The following ZFAT variants were observed in gnomAD, a reference collection of about 807,000 sequenced individuals.
ZFAT encodes zinc finger protein ZFAT.
In ZFAT, 64 loss-of-function variants were observed where a neutral mutation model predicts 117.7. That is an observed-to-expected ratio of 0.54 (90% CI 0.44 to 0.67). The LOEUF is 0.67. Among genes scored for constraint, ZFAT ranks in the 30% least tolerant of loss-of-function variants. The pLI, the probability that ZFAT is intolerant of heterozygous loss-of-function variation, is 0.00. For synonymous variants in ZFAT, 679 were observed against 615.0 expected, an observed-to-expected ratio of 1.10 and a Z score of -1.54; for missense variants, 1,433 against 1,584.5, an observed-to-expected ratio of 0.90 and a Z score of 1.62.
At chr8:134,506,588 C>T (rs944063004) in intron 15 of ZFAT, among the ~76,000 whole-genome samples, 7 of 152,206 alleles carry the variant, frequency 4.6e-5, no homozygotes, top group Non-Finnish European at 1.0e-4. Context: ...CCTGCCATTA[C>T]TTTCATCCCA....
At chr8:134,489,753 C>T (rs973716527) in intron 15 of ZFAT, among the ~76,000 whole-genome samples, 1 of 152,186 alleles carries the variant, frequency 6.6e-6, no homozygotes, top group African/African-American at 2.4e-5. Context: ...CCAAACCCTT[C>T]CCCTGAAATT....
intron 3 of ZFAT, among the ~76,000 whole-genome samples, chr8:134,628,521 A>G (rs896109687): frequency 1.3e-5 from 2 of 152,222 alleles, no homozygotes; most frequent in Non-Finnish European, 2.9e-5. Flanking sequence ...GCTTAACGCT[A>G]GGGAGACAAG....
chr8:134,560,242 C>T (rs966358633), intron 11 of ZFAT, among the ~76,000 whole-genome samples: 2 of 152,188 alleles, frequency 1.3e-5, no homozygotes, highest in African/African-American at 4.8e-5. Context: ...CACTCTCTCT[C>T]TCTTTCCCTC....
At chr8:134,578,491 G>A (rs1308513892) in intron 10 of ZFAT, among the ~76,000 whole-genome samples, 1 of 151,534 alleles carries the variant, frequency 6.6e-6, no homozygotes, top group East Asian at 1.9e-4. Context: ...GAAGACATCA[G>A]AGAGATGGGG....
chr8:134,782,723 G>A, the ZFAT span, among the ~76,000 whole-genome samples: 3 of 151,882 alleles, frequency 2.0e-5, no homozygotes, highest in Non-Finnish European at 4.4e-5. Flanking sequence ...TGTGCCTTTT[G>A]CCTTCTGCCA....
At chr8:134,760,282 AAAAAAACAAAC>A in the ZFAT span, among the ~76,000 whole-genome samples, 45 of 120,814 alleles carry the variant, frequency 3.7e-4, 1 homozygote, top group Non-Finnish European at 1.8e-5. Context: ...AGAAAAAAAA[AAAAAAACAAAC>A]AAAAAACAAA....
rs60311922 is a variant in ZFAT at position 134,515,719 on chromosome 8, T to C, written c.3235-3118A>G. Among the ~76,000 whole-genome samples the C allele has an allele frequency of 9.2e-5, 14 of 152,356 alleles. No individual in the cohort carries two copies. The East Asian group carries it at 2.7e-3, about 29-fold the overall frequency. ...TTCTGGATATTAGCCCTTTGTCAGATGGATAGATTGCAAAAATTTTCTCCC... is the reference window on the plus strand; with the variant it reads ...TTCTGGATATTAGCCCTTTGTCAGACGGATAGATTGCAAAAATTTTCTCCC... On this transcript the variant is annotated intron_variant, in intron 13 of 15. Coordinates refer to ENST00000377838, the MANE Select transcript of ZFAT (RefSeq NM_020863.4).
intron 5 of ZFAT, among the ~76,000 whole-genome samples, chr8:134,604,095 G>A (rs1239268133): frequency 2.9e-4 from 44 of 152,202 alleles, no homozygotes; most frequent in Admixed American, 2.9e-3. Context: ...CATGAATTCT[G>A]TCTCTTTCAC....
chr8:134,779,328 C>T, the ZFAT span, among the ~76,000 whole-genome samples: 3 of 152,090 alleles, frequency 2.0e-5, no homozygotes, highest in Non-Finnish European at 4.4e-5. Flanking sequence ...CCCTATAAAA[C>T]TGGTTGGTGG....
chr8:134,603,968 C>A (rs1475212866), intron 5 of ZFAT, among the ~76,000 whole-genome samples: 1 of 152,158 alleles, frequency 6.6e-6, no homozygotes, highest in African/African-American at 2.4e-5. Context: ...TGTTTATTAA[C>A]TTTGTATTCC....
chr8:134,714,117 C>G (rs866810242), upstream of ZFAT, among the ~76,000 whole-genome samples: 4 of 140,268 alleles, frequency 2.9e-5, no homozygotes, highest in South Asian at 7.8e-4. Context: ...GCCCCCCCCC[C>G]CCCAAAAAAA....
chr8:134,631,314 G>A (rs1353459384), intron 3 of ZFAT, among the ~76,000 whole-genome samples: 1 of 152,134 alleles, frequency 6.6e-6, no homozygotes, highest in African/African-American at 2.4e-5. Context: ...TATAAGGTTA[G>A]ACAAAAATAT....
At chr8:134,646,783 C>T (rs1433573790) in intron 2 of ZFAT, among the ~76,000 whole-genome samples, 1 of 151,938 alleles carries the variant, frequency 6.6e-6, no homozygotes, top group Non-Finnish European at 1.5e-5. Context: ...ATATGCCAAC[C>T]AACTAGATAA....
intron 15 of ZFAT, among the ~76,000 whole-genome samples, chr8:134,489,984 C>T (rs1817933712): frequency 6.6e-6 from 1 of 152,180 alleles, no homozygotes; most frequent in African/African-American, 2.4e-5. Flanking sequence ...ACTCCACGTC[C>T]AAAGCATTGC....
In ZFAT at chr8:134,682,306, G is replaced by C. The variant is rs145865353; in HGVS notation, c.20-24569C>G. ...AAAAACGCTGCCAAATAAACTCAGA[G>C]ACACTAGCTTCTCACCACACCAACT... On this transcript the variant is annotated intron_variant, in intron 1 of 15. Transcript: ENST00000377838. Among the ~76,000 whole-genome samples, 507 of 152,274 alleles carry C rather than the reference G, an allele frequency of 3.3e-3. 4 individuals carry two copies. The highest frequency in any genetic ancestry group is 0.011 in the African/African-American group (464 of 41,548).
In ZFAT at chr8:134,588,396, C is replaced by A; in HGVS notation, c.2564-1G>T. On this transcript the variant is annotated splice_acceptor_variant, in intron 8 of 15. Transcript: ENST00000377838. LOFTEE classifies it high-confidence loss of function. ...TCAGAAATGGTGCTCATGGAGACCT[C>A]TAGAAGAAAAGCAGGATGTCAAAAG... 1 of 1,573,830 alleles carries A rather than the reference C, an allele frequency of 6.4e-7. No homozygotes were observed. Among genetic ancestry groups the A allele is most frequent in the Non-Finnish European group, 8.6e-7 (1 of 1,161,410 alleles).
the ZFAT span, among the ~76,000 whole-genome samples, chr8:134,818,315 G>A: frequency 2.6e-5 from 4 of 152,130 alleles, no homozygotes; most frequent in South Asian, 8.3e-4. Flanking sequence ...ACGGGTAAAA[G>A]ATTTGAACAG....
At chr8:134,484,745 G>A (rs754869575) in intron 15 of ZFAT, among the ~76,000 whole-genome samples, 14 of 152,172 alleles carry the variant, frequency 9.2e-5, no homozygotes, top group East Asian at 1.9e-4. Context: ...GGGCAGGGGC[G>A]AACGCCAAGT....
chr8:134,593,836 CCT>C (rs1308916543), intron 7 of ZFAT, among the ~76,000 whole-genome samples: 1 of 152,208 alleles, frequency 6.6e-6, no homozygotes, highest in Non-Finnish European at 1.5e-5. Flanking sequence ...CTACAGGGCC[CCT>C]GTTATGTGTC....
Sources: allele counts gnomAD v4.1 joint callset (sites outside exome capture counted in the v4.1 genomes callset), GRCh38; gene constraint gnomAD v4.1.1; transcripts MANE v1.5; gene names NCBI Gene and HGNC (gene_info 2026-07-23, HGNC 2026-07-21).